The following PSMB7 variants were observed in gnomAD, a reference collection of about 807,000 sequenced individuals.
PSMB7 encodes proteasome subunit beta type-7.
A neutral mutation model predicts 28.1 loss-of-function variants in PSMB7; 5 were observed. That is an observed-to-expected ratio of 0.18 (90% CI 0.09 to 0.37). PSMB7 has a LOEUF of 0.37. Among genes scored for constraint, PSMB7 ranks in the 10% least tolerant of loss-of-function variants. The pLI is 1.00. For missense variants in PSMB7, 275 were observed against 346.2 expected (o/e 0.79, Z 1.63); for synonymous variants, 122 against 123.7 (o/e 0.99, Z 0.09).
In PSMB7 at chr9:124,370,746, T is replaced by C. The variant is rs143057813; in HGVS notation, c.571-13831A>G. Among the ~76,000 whole-genome samples, 1,131 of 152,326 alleles carry C rather than the reference T, an allele frequency of 7.4e-3. 14 individuals are homozygous for C. Among genetic ancestry groups the C allele is most frequent in the African/African-American group, 0.025 (1,043 of 41,576 alleles). ...AAGCCCTCACGCCCCCCAATTCTTG[T>C]AGGCAGTGGTCTCAATTAACACCTA... On this transcript the variant is annotated intron_variant, in intron 6 of 7. Coordinates refer to ENST00000259457, the MANE Select transcript of PSMB7 (RefSeq NM_002799.4).
At chr9:124,367,150 AG>A (rs1418969386) in intron 6 of PSMB7, among the ~76,000 whole-genome samples, 3 of 152,166 alleles carry the variant, frequency 2.0e-5, no homozygotes, top group Non-Finnish European at 4.4e-5. Flanking sequence ...GCCAGGGAGG[AG>A]GATCAGCAGC....
At chr9:124,392,729 C>G (rs138640408) in intron 5 of PSMB7, among the ~76,000 whole-genome samples, 7 of 152,282 alleles carry the variant, frequency 4.6e-5, no homozygotes, top group Non-Finnish European at 8.8e-5. Flanking sequence ...GAATTTCTTT[C>G]TCAAAGTCAT....
chr9:124,371,155 C>A (rs926036661), intron 6 of PSMB7, among the ~76,000 whole-genome samples: 1 of 152,184 alleles, frequency 6.6e-6, no homozygotes, highest in Non-Finnish European at 1.5e-5. Flanking sequence ...TAATTGAGTT[C>A]TATGCTGAAT....
At chr9:124,357,887 C>T (rs971568018) in intron 6 of PSMB7, among the ~76,000 whole-genome samples, 1 of 152,174 alleles carries the variant, frequency 6.6e-6, no homozygotes, top group African/African-American at 2.4e-5. Context: ...AGCAGAGCTT[C>T]AGGGAGGGCT....
At chr9:124,409,156 C>T (rs1350950613) in intron 4 of PSMB7, among the ~76,000 whole-genome samples, 2 of 152,016 alleles carry the variant, frequency 1.3e-5, no homozygotes, top group Non-Finnish European at 2.9e-5. Context: ...TGAACATGTA[C>T]TAGCAATATA....
At chr9:124,401,212 T>C (rs149864970) in intron 5 of PSMB7, among the ~76,000 whole-genome samples, 1 of 152,266 alleles carries the variant, frequency 6.6e-6, no homozygotes, top group Non-Finnish European at 1.5e-5. Context: ...TGTTCTGTCA[T>C]GTTCATAAAT....
intron 6 of PSMB7, among the ~76,000 whole-genome samples, chr9:124,369,031 CT>C (rs1182577272): frequency 5.9e-5 from 9 of 152,304 alleles, no homozygotes; most frequent in African/African-American, 2.2e-4. Context: ...GTTAATGAGT[CT>C]TTATGTCTTT....
At chr9:124,354,542 T>C (rs529099933) in intron 7 of PSMB7, among the ~76,000 whole-genome samples, 5 of 152,134 alleles carry the variant, frequency 3.3e-5, no homozygotes, top group Non-Finnish European at 7.4e-5. Context: ...TCCTCTCCCC[T>C]GGACACACGG....
At chr9:124,389,987 T>C (rs988751225) in intron 5 of PSMB7, among the ~76,000 whole-genome samples, 6 of 152,186 alleles carry the variant, frequency 3.9e-5, no homozygotes, top group Admixed American at 3.3e-4. Flanking sequence ...GAAAAATACA[T>C]GCAACATGCA....
chr9:124,362,365 C>T (rs759743760), intron 6 of PSMB7, among the ~76,000 whole-genome samples: 6 of 152,238 alleles, frequency 3.9e-5, no homozygotes, highest in Non-Finnish European at 7.3e-5. Flanking sequence ...ACCCAAGTGT[C>T]CCTTGCCTTC....
At chr9:124,384,544 A>C (rs1325537982) in intron 6 of PSMB7, 54 bp downstream of exon 6, 2 of 1,523,696 alleles carry the variant, frequency 1.3e-6, no homozygotes, top group East Asian at 4.5e-5. Flanking sequence ...TAAATGTTCA[A>C]GATAAAACCA....
intron 6 of PSMB7, among the ~76,000 whole-genome samples, chr9:124,377,617 T>C (rs1830625009): frequency 6.6e-6 from 1 of 152,264 alleles, no homozygotes; most frequent in Non-Finnish European, 1.5e-5. Context: ...CCTCAGTAGC[T>C]AGGTGTTTGG....
At chr9:124,359,277 C>A (rs940784381) in intron 6 of PSMB7, among the ~76,000 whole-genome samples, 3 of 152,126 alleles carry the variant, frequency 2.0e-5, no homozygotes, top group South Asian at 4.1e-4. Flanking sequence ...TTTTTCCCCC[C>A]AGTCCCACTC....
At position 124,402,530 on chromosome 9, in the gene PSMB7, A is replaced by G. The variant is rs571629242; in HGVS notation, c.511+2787T>C. On this transcript the variant is annotated intron_variant, in intron 5 of 7. Coordinates refer to ENST00000259457, the MANE Select transcript of PSMB7 (RefSeq NM_002799.4). ...GAGGTGAAAGGCTGTGGTGCCTGCT[A>G]TTTACCCTCAAATGGTTCCCCACGC... 2.8e-4 allele frequency among the ~76,000 whole-genome samples: 43 copies of G among 152,320 alleles called. 1 individual carries two copies. In the South Asian group the frequency reaches 8.3e-3, roughly 29 times the overall value.
intron 4 of PSMB7, among the ~76,000 whole-genome samples, chr9:124,408,400 TAATACCTTA>T (rs1379048045): frequency 1.3e-5 from 2 of 152,208 alleles, no homozygotes; most frequent in African/African-American, 4.8e-5. Flanking sequence ...GAATACCTAA[TAATACCTTA>T]AATACCTTAA....
intron 4 of PSMB7, among the ~76,000 whole-genome samples, chr9:124,408,263 G>C (rs1830988775): frequency 6.6e-6 from 1 of 152,166 alleles, no homozygotes; most frequent in African/African-American, 2.4e-5. Flanking sequence ...TGTCAAGGGA[G>C]AGCTTTGACA....
At chr9:124,371,662 C>A (rs1366344556) in intron 6 of PSMB7, among the ~76,000 whole-genome samples, 1 of 152,192 alleles carries the variant, frequency 6.6e-6, no homozygotes, top group African/African-American at 2.4e-5. Context: ...TTATTATGTA[C>A]CTGAGACCCA....
intron 5 of PSMB7, among the ~76,000 whole-genome samples, chr9:124,392,408 G>A (rs2131168026): frequency 6.6e-6 from 1 of 152,294 alleles, no homozygotes; most frequent in African/African-American, 2.4e-5. Context: ...GCTCCAGGAG[G>A]CACAAGCAAC....
rs140539926 is a variant in PSMB7 at position 124,381,038 on chromosome 9, G to T, written c.570+3560C>A. On this transcript the variant is annotated intron_variant, in intron 6 of 7. Coordinates refer to ENST00000259457, the MANE Select transcript of PSMB7 (RefSeq NM_002799.4). The stretch of plus-strand genomic sequence containing the variant: ...ATATAATCAGTATAAAATTTATTGA[G>T]GTGTTTTAAAAGCTTCTTGTATTAA... Among the ~76,000 whole-genome samples the T allele has an allele frequency of 1.3e-3, 194 of 152,262 alleles. 1 individual carries two copies. The highest frequency in any genetic ancestry group is 3.2e-4 in the Non-Finnish European group (22 of 68,016).
Sources: gnomAD v4.1 joint callset for allele counts (sites outside exome capture counted in the v4.1 genomes callset) on GRCh38, gnomAD v4.1.1 for gene constraint, MANE v1.5 for transcripts, NCBI Gene and HGNC (gene_info 2026-07-23, HGNC 2026-07-21) for gene names.